The following JADE1 variants were observed in gnomAD, a reference collection of about 807,000 sequenced individuals.
The protein encoded by JADE1 is jade family PHD finger 1.
Under a neutral mutation model 81.8 loss-of-function variants are expected in JADE1, and 14 were observed. That is an observed-to-expected ratio of 0.17 (90% CI 0.11 to 0.27). JADE1 has a LOEUF of 0.27. Among genes scored for constraint, JADE1 ranks in the 10% least tolerant of loss-of-function variants. The pLI is 1.00. For synonymous variants in JADE1, 353 were observed against 391.9 expected (o/e 0.90, Z 1.17); for missense variants, 690 against 1,047.9 (o/e 0.66, Z 4.71).
At chr4:128,826,532 G>GT (rs567412444) in intron 1 of JADE1, among the ~76,000 whole-genome samples, 1,635 of 127,230 alleles carry the variant, frequency 0.013, 18 homozygotes, top group East Asian at 0.044. Context: ...TAATTTTTGT[G>GT]TTTTTTTTTT....
In JADE1 at chr4:128,872,378, CT is replaced by C; in HGVS notation, c.*118del. ...ATCCTGAGCTACACAAACACATTTA[CT>C]TGCAATTCAGATTAATTTTTTTCCA... is the stretch of plus-strand genomic sequence containing the variant. On this transcript the variant is annotated 3_prime_UTR_variant, in exon 11 of 11. Transcript: ENST00000226319. 1 of 848,984 alleles carries C rather than the reference CT, an allele frequency of 1.2e-6. No homozygotes were observed. Among genetic ancestry groups the C allele is most frequent in the Admixed American group, 2.8e-5 (1 of 35,488 alleles). 52.6% of individuals were successfully genotyped at this position (848,984 alleles called of 1,614,324 possible). A position where few individuals can be genotyped will look rare whatever the true frequency, so the allele number is the denominator to read the frequency against.
chr4:128,864,141 G>A, intron 9 of JADE1: 1 of 976,534 alleles, frequency 1.0e-6, no homozygotes. Flanking sequence ...TAAAGAATTT[G>A]TATTCAGTTT....
intron 5 of JADE1, among the ~76,000 whole-genome samples, chr4:128,849,764 C>T (rs1397798448): frequency 6.6e-6 from 1 of 152,068 alleles, no homozygotes; most frequent in African/African-American, 2.4e-5. Context: ...CTCATTTTAG[C>T]GTATGTAGAC....
intron 1 of JADE1, among the ~76,000 whole-genome samples, chr4:128,812,366 C>G (rs192262761): frequency 6.6e-6 from 1 of 151,256 alleles, no homozygotes; most frequent in Non-Finnish European, 1.5e-5. Flanking sequence ...CGGCCCTGCG[C>G]ATTCCCCGGC....
At chr4:128,859,676 G>C (rs62317925) in intron 8 of JADE1, among the ~76,000 whole-genome samples, 6,435 of 152,314 alleles carry the variant, frequency 0.042, 225 homozygotes, top group Non-Finnish European at 0.066. Flanking sequence ...GGTGTTCTGA[G>C]CGTAGAATTT....
At position 128,809,865 on chromosome 4, in the gene JADE1, C is replaced by A. The variant is rs910569090; in HGVS notation, c.-39C>A. ...GCCCAGCCCAGCGCCTCGGCCGAAC[C>A]CCTCCGCAGCAGGTACGCGCGCGGG... On this transcript the variant is annotated 5_prime_UTR_variant, in exon 1 of 11. Coordinates refer to ENST00000226319, the MANE Select transcript of JADE1 (RefSeq NM_199320.4). 1.3e-5 allele frequency: 2 copies of A among 149,796 alleles called. No homozygotes were observed. The highest frequency in any genetic ancestry group is 4.9e-5 in the African/African-American group (2 of 41,076). The allele number at this position is 149,796 out of a possible 1,614,324, so 9.3% of individuals were successfully genotyped here. A position where few individuals can be genotyped will look rare whatever the true frequency, so the allele number is the denominator to read the frequency against.
Position 128,824,214 on chromosome 4 carries a change from C to T in JADE1, c.-26-7519C>T, listed in dbSNP as rs182166528. On this transcript the variant is annotated intron_variant, in intron 1 of 10. Coordinates refer to ENST00000226319, the MANE Select transcript of JADE1 (RefSeq NM_199320.4). The stretch of plus-strand genomic sequence containing the variant: ...CGGGCGGATCATGAGGTCAGGAGAT[C>T]GAGACCATCCTGGCTAACACGGTGA... Among the ~76,000 whole-genome samples, 1,081 of 152,064 alleles carry T rather than the reference C, an allele frequency of 7.1e-3. 17 individuals are homozygous for T. Among genetic ancestry groups the T allele is most frequent in the African/African-American group, 0.019 (805 of 41,468 alleles).
chr4:128,817,047 C>T (rs998643867), intron 1 of JADE1, among the ~76,000 whole-genome samples: 8 of 151,968 alleles, frequency 5.3e-5, no homozygotes, highest in Admixed American at 2.0e-4. Flanking sequence ...TTAGTAGAGA[C>T]GGGGTTTTAC....
chr4:128,831,733 G>T lies in JADE1; in HGVS notation c.-26G>T, dbSNP rs1416487769. 6.2e-7 allele frequency: 1 copy of T among 1,614,012 alleles called. No homozygotes were observed. Among genetic ancestry groups the T allele is most frequent in the Admixed American group, 1.7e-5 (1 of 60,006 alleles). On this transcript the variant is annotated splice_region_variant and 5_prime_UTR_variant, in exon 2 of 11. Coordinates refer to ENST00000226319, the MANE Select transcript of JADE1 (RefSeq NM_199320.4). ...TAAGTGCTGTCTCATTGCTTTGCAGGCTGCCTGCTGTTTCCCGGGGAGATC... is the reference window on the plus strand; with the variant it reads ...TAAGTGCTGTCTCATTGCTTTGCAGTCTGCCTGCTGTTTCCCGGGGAGATC...
At chr4:128,859,577 A>T (rs1234838907) in intron 8 of JADE1, among the ~76,000 whole-genome samples, 2 of 151,438 alleles carry the variant, frequency 1.3e-5, no homozygotes, top group Non-Finnish European at 1.5e-5. Context: ...GTATGCGTGT[A>T]TGTGTGAGTG....
At chr4:128,819,447 C>G (rs1235013636) in intron 1 of JADE1, among the ~76,000 whole-genome samples, 1 of 152,112 alleles carries the variant, frequency 6.6e-6, no homozygotes, top group African/African-American at 2.4e-5. Flanking sequence ...GAACAAATAC[C>G]TTGGTCATCT....
At chr4:128,818,851 T>C (rs2125796695) in intron 1 of JADE1, among the ~76,000 whole-genome samples, 1 of 152,162 alleles carries the variant, frequency 6.6e-6, no homozygotes, top group East Asian at 1.9e-4. Flanking sequence ...TGACCCCTGA[T>C]TGGTTGATTG....
intron 5 of JADE1, among the ~76,000 whole-genome samples, chr4:128,850,515 T>G (rs1046250141): frequency 6.6e-6 from 1 of 152,154 alleles, no homozygotes; most frequent in Non-Finnish European, 1.5e-5. Context: ...ACTCGCTCAG[T>G]TACTCAAGTG....
At position 128,871,484 on chromosome 4, in the gene JADE1, G is replaced by A; in HGVS notation, c.1751G>A (p.Gly584Asp). The A allele has an allele frequency of 6.2e-7, 1 of 1,614,146 alleles. No homozygotes were observed. The highest frequency in any genetic ancestry group is 8.5e-7 in the Non-Finnish European group (1 of 1,180,038). Reference protein sequence around the residue: ...WHSAFFRKQMGTSLVHSLKKP... With the variant: ...WHSAFFRKQMDTSLVHSLKKP... Reference sequence around the variant, plus strand: ...TCTGCATTCTTCAGAAAACAAATGGGTACTTCCTTGGTTCATTCGCTGAAA... The same window carrying A: ...TCTGCATTCTTCAGAAAACAAATGGATACTTCCTTGGTTCATTCGCTGAAA... Residue 584 changes from glycine (G) to aspartate (D), a missense_variant, in exon 11 of 11, where the codon GGT becomes GAT. Physicochemically the swap from Gly to Asp is moderately conservative, Grantham distance 94. Transcript: ENST00000226319. This position sits in a 1 kb window ranked among gnomAD's most constrained non-coding sequence, Gnocchi z 4.1.
intron 8 of JADE1, 42 bp from the exon 9 acceptor site, chr4:128,861,662 C>T (rs755560288): frequency 3.1e-6 from 5 of 1,594,096 alleles, no homozygotes; most frequent in South Asian, 1.1e-5. Context: ...CATCATTGCT[C>T]TATAATGGTC....
chr4:128,813,461 C>G (rs913854083), intron 1 of JADE1, among the ~76,000 whole-genome samples: 1 of 147,190 alleles, frequency 6.8e-6, no homozygotes, highest in South Asian at 2.2e-4. Flanking sequence ...CTCTGTCACC[C>G]AGGCTGGAGT....
At chr4:128,813,909 A>G (rs1407624144) in intron 1 of JADE1, among the ~76,000 whole-genome samples, 1 of 152,076 alleles carries the variant, frequency 6.6e-6, no homozygotes, top group Non-Finnish European at 1.5e-5. Context: ...AGCAGAGATA[A>G]TGGGAGTGTC....
intron 1 of JADE1, among the ~76,000 whole-genome samples, chr4:128,812,325 G>C (rs1433016408): frequency 1.3e-5 from 2 of 151,642 alleles, no homozygotes; most frequent in East Asian, 3.9e-4. Flanking sequence ...AGGATTGGGA[G>C]AGAGGGAGGG....
At position 128,857,380 on chromosome 4, in the gene JADE1, G is replaced by T; in HGVS notation, c.907G>T (p.Val303Leu). ...AGAGAAGATGGAGCCCATCACCAAG[G>T]TGTCACACATTCCCAGCAGCCGGTG... ...SPEKMEPITK[V>L]SHIPSSRWAL... Residue 303 changes from valine (V) to leucine (L), a missense_variant, in exon 8 of 11, where the codon GTG becomes TTG. Coordinates refer to ENST00000226319, the MANE Select transcript of JADE1 (RefSeq NM_199320.4). 1 of 1,614,126 alleles carries T rather than the reference G, an allele frequency of 6.2e-7. No individual in the cohort carries two copies. Among genetic ancestry groups the T allele is most frequent in the Non-Finnish European group, 8.5e-7 (1 of 1,180,012 alleles).
Sources: allele counts gnomAD v4.1 joint callset (sites outside exome capture counted in the v4.1 genomes callset), GRCh38; gene constraint gnomAD v4.1.1; non-coding constraint Gnocchi (gnomAD v3.1); transcripts MANE v1.5; gene names NCBI Gene and HGNC (gene_info 2026-07-23, HGNC 2026-07-21).